PDXDC1: variants seen among roughly 807,000 people sequenced by gnomAD.
The protein encoded by PDXDC1 is pyridoxal dependent decarboxylase domain containing 1.
In PDXDC1, 42 loss-of-function variants were observed where a neutral mutation model predicts 100.1. That is an observed-to-expected ratio of 0.42 (90% CI 0.33 to 0.54). PDXDC1 has a LOEUF of 0.54. PDXDC1 is among the 20% of genes least tolerant of loss of function. PDXDC1 has a pLI of 0.10. For synonymous variants in PDXDC1, 260 were observed against 371.7 expected, an observed-to-expected ratio of 0.70 and a Z score of 3.46; for missense variants, 636 against 979.2, an observed-to-expected ratio of 0.65 and a Z score of 4.68.
chr16:15,004,605 T>C (rs1431942396), intron 5 of PDXDC1, among the ~76,000 whole-genome samples: 1 of 152,394 alleles, frequency 6.6e-6, no homozygotes, highest in South Asian at 2.1e-4. Context: ...TCAGCAGTTA[T>C]TTATTTGTGG....
At chr16:15,091,742 T>A (rs1467060437) in intron 16 of PDXDC1, among the ~76,000 whole-genome samples, 1 of 152,212 alleles carries the variant, frequency 6.6e-6, no homozygotes. Context: ...GGATATTACA[T>A]ATAAACATAT....
At chr16:15,092,546 C>A (rs2046177193) in intron 16 of PDXDC1, 2 of 1,613,456 alleles carry the variant, frequency 1.2e-6, no homozygotes, top group Non-Finnish European at 1.7e-6. Flanking sequence ...CACAGTTCCA[C>A]CAAACCGAAC....
intron 16 of PDXDC1, among the ~76,000 whole-genome samples, chr16:15,098,310 C>T (rs886395838): frequency 6.6e-6 from 1 of 151,284 alleles, no homozygotes; most frequent in Non-Finnish European, 1.5e-5. Flanking sequence ...AAGCGATTCT[C>T]CTGCCTCAGC....
chr16:15,011,084 T>G (rs2151441283), intron 8 of PDXDC1, among the ~76,000 whole-genome samples: 1 of 152,408 alleles, frequency 6.6e-6, no homozygotes, highest in East Asian at 1.9e-4. Context: ...GAGCTAATTC[T>G]AAAGTTTATA....
chr16:15,078,765 G>A (rs2045568927), intron 16 of PDXDC1, among the ~76,000 whole-genome samples: 1 of 151,328 alleles, frequency 6.6e-6, no homozygotes, highest in Admixed American at 6.6e-5. Flanking sequence ...ACTGAACCTG[G>A]CCAAGATGGA....
intron 16 of PDXDC1, among the ~76,000 whole-genome samples, chr16:15,062,756 G>T (rs1223997957): frequency 6.6e-6 from 1 of 152,222 alleles, no homozygotes; most frequent in African/African-American, 2.4e-5. Flanking sequence ...GTCAGTATGT[G>T]AAGTGTCTGG....
intron 16 of PDXDC1, among the ~76,000 whole-genome samples, chr16:15,124,119 C>G (rs2047573060): frequency 6.6e-6 from 1 of 152,338 alleles, no homozygotes; most frequent in Non-Finnish European, 1.5e-5. Flanking sequence ...TCATCAGCTT[C>G]TCTCCTAAGG....
chr16:15,080,912 A>G (rs1161484543), intron 16 of PDXDC1, among the ~76,000 whole-genome samples: 1 of 151,922 alleles, frequency 6.6e-6, no homozygotes, highest in African/African-American at 2.4e-5. Flanking sequence ...CATTCCTCTC[A>G]TATCAATGGA....
downstream of PDXDC1, chr16:15,038,666 C>G (rs149117162): frequency 6.3e-7 from 1 of 1,589,604 alleles, no homozygotes. Context: ...TGTTCTGTCT[C>G]TGCATCATAA....
At chr16:15,090,926 T>C (rs1025253564) in intron 16 of PDXDC1, among the ~76,000 whole-genome samples, 1 of 150,766 alleles carries the variant, frequency 6.6e-6, no homozygotes, top group Non-Finnish European at 1.5e-5. Context: ...GAGAGTTGCA[T>C]GCAGCATGGA....
At chr16:15,117,399 G>A (rs1295963392) in intron 16 of PDXDC1, among the ~76,000 whole-genome samples, 5 of 145,590 alleles carry the variant, frequency 3.4e-5, no homozygotes, top group African/African-American at 5.1e-5. Context: ...GGTGGCTCAC[G>A]CCTGTAATCC....
intron 16 of PDXDC1, chr16:15,133,679 C>T (rs1192651810): frequency 1.3e-5 from 20 of 1,588,452 alleles, no homozygotes; most frequent in Non-Finnish European, 1.7e-5. Context: ...CAGCGGGGCG[C>T]CAGCATCCTC....
In PDXDC1 at chr16:15,101,035, A is replaced by T. The variant is rs1281175665; in HGVS notation, c.1400-37844A>T. On this transcript the variant is annotated intron_variant, in intron 16 of 16. Coordinates refer to the PDXDC1 transcript ENST00000535621. ...TCCTAGCTTTGTAATTTACTCTATT[A>T]CTTTGGGCAATTGCCTTATGTTTCC... Among the ~76,000 whole-genome samples, 4 of 152,190 alleles carry T rather than the reference A, an allele frequency of 2.6e-5. No individual in the cohort carries two copies. In the South Asian group the frequency reaches 6.2e-4, roughly 24 times the overall value.
chr16:15,127,832 T>C (rs1260057147), intron 16 of PDXDC1: 4 of 1,563,688 alleles, frequency 2.6e-6, no homozygotes, highest in Non-Finnish European at 3.5e-6. Flanking sequence ...CAGATGTGCT[T>C]GTCAAAGAAG....
intron 5 of PDXDC1, among the ~76,000 whole-genome samples, chr16:15,005,183 C>T (rs1973987498): frequency 6.6e-6 from 1 of 152,228 alleles, no homozygotes; most frequent in Non-Finnish European, 1.5e-5. Context: ...ATGGTGAAAC[C>T]CTGTCTCTAC....
At chr16:15,083,536 C>G (rs1319053973) in intron 16 of PDXDC1, 1 of 1,608,396 alleles carries the variant, frequency 6.2e-7, no homozygotes, top group Admixed American at 1.7e-5. Context: ...GATTTTCGAA[C>G]AAATGGAAAT....
chr16:15,001,107 C>A (rs1176708504), intron 3 of PDXDC1, among the ~76,000 whole-genome samples: 1 of 152,258 alleles, frequency 6.6e-6, no homozygotes, highest in Non-Finnish European at 1.5e-5. Flanking sequence ...GTAATCCCAG[C>A]ACTATTGGAG....
chr16:15,020,975 A>AACACACACACACAC lies in PDXDC1; in HGVS notation c.1090-1706_1090-1693dup, dbSNP rs66850292. On this transcript the variant is annotated intron_variant, in intron 12 of 22. Coordinates refer to ENST00000396410, the MANE Select transcript of PDXDC1 (RefSeq NM_015027.4). ...ACTCCAGCCTGGGTGGCACCATCTAAACACACACACACACACACACACACA... is the reference window on the plus strand; with the variant it reads ...ACTCCAGCCTGGGTGGCACCATCTAAACACACACACACACACACACACACACACACACACACACA... Among the ~76,000 whole-genome samples the AACACACACACACAC allele has an allele frequency of 3.9e-3, 571 of 145,802 alleles. 4 individuals carry two copies. The highest frequency in any genetic ancestry group is 0.032 in the Admixed American group (466 of 14,546).
chr16:15,096,715 T>C (rs1458892742), intron 16 of PDXDC1, among the ~76,000 whole-genome samples: 1 of 152,284 alleles, frequency 6.6e-6, no homozygotes, highest in Non-Finnish European at 1.5e-5. Context: ...CAGGATCTCA[T>C]TGTCTAGCCC....
Sources: gnomAD v4.1 joint callset for allele counts (sites outside exome capture counted in the v4.1 genomes callset) on GRCh38, gnomAD v4.1.1 for gene constraint, MANE v1.5 for transcripts, NCBI Gene and HGNC (gene_info 2026-07-23, HGNC 2026-07-21) for gene names.